NUP153: variants seen among roughly 807,000 people sequenced by gnomAD.
The protein encoded by NUP153 is nucleoporin 153.
Under a neutral mutation model 134.6 loss-of-function variants are expected in NUP153, and 27 were observed. That is an observed-to-expected ratio of 0.20 (90% CI 0.15 to 0.28). NUP153 has a LOEUF of 0.28. NUP153 is among the 10% of genes least tolerant of loss of function. The probability of loss-of-function intolerance (pLI) is 1.00; values close to 1 mark genes in which losing one functional copy is unlikely to be tolerated. For synonymous variants in NUP153, 640 were observed against 623.5 expected, an observed-to-expected ratio of 1.03 and a Z score of -0.40; for missense variants, 1,821 against 1,731.3, an observed-to-expected ratio of 1.05 and a Z score of -0.92.
intron 10 of NUP153, 34 bp from the exon 11 acceptor site, chr6:17,661,813 A>T: frequency 6.3e-7 from 1 of 1,598,876 alleles, no homozygotes; most frequent in South Asian, 1.1e-5. Flanking sequence ...AACAACTGAT[A>T]TATTATTGTG....
rs750618158 is a variant in NUP153 at position 17,632,698 on chromosome 6, A to G, written c.2611T>C (p.Cys871Arg). 18 of 1,612,996 alleles carry G rather than the reference A, an allele frequency of 1.1e-5. 2 individuals carry two copies. In the South Asian group the frequency reaches 1.9e-4, roughly 17 times the overall value. Reference sequence around the variant, plus strand: ...GGCTTTGCACTTTCACATGCCAAACATTTGGTAGAGTCTGCCTTATTCTGC... The same window carrying G: ...GGCTTTGCACTTTCACATGCCAAACGTTTGGTAGAGTCTGCCTTATTCTGC... Reference protein sequence around the residue: ...LVQNKADSTKCLACESAKPGT... With the variant: ...LVQNKADSTKRLACESAKPGT... The change falls in exon 17 of 22, where the codon TGT becomes CGT. Residue 871 changes from cysteine to arginine, a missense_variant. Physicochemically the swap from Cys to Arg is radical, Grantham distance 180. Coordinates refer to ENST00000262077, the MANE Select transcript of NUP153 (RefSeq NM_005124.4).
intron 14 of NUP153, among the ~76,000 whole-genome samples, chr6:17,642,390 A>C (rs1765883489): frequency 6.6e-6 from 1 of 152,208 alleles, no homozygotes; most frequent in African/African-American, 2.4e-5. Flanking sequence ...CAAACTGTTC[A>C]ATGGGTAAAG....
chr6:17,681,383 G>A (rs548376161), intron 2 of NUP153, among the ~76,000 whole-genome samples: 96 of 106,976 alleles, frequency 9.0e-4, no homozygotes, highest in Non-Finnish European at 1.5e-3. Flanking sequence ...TCAGGAGATC[G>A]AGACCATCCT....
At chr6:17,690,859 G>A (rs1769229108) in intron 1 of NUP153, among the ~76,000 whole-genome samples, 1 of 152,192 alleles carries the variant, frequency 6.6e-6, no homozygotes, top group Non-Finnish European at 1.5e-5. Flanking sequence ...TGAAAAGGTA[G>A]CCGGGCGTGG....
intron 1 of NUP153, among the ~76,000 whole-genome samples, chr6:17,705,846 C>T (rs1770449416): frequency 6.6e-6 from 1 of 152,068 alleles, no homozygotes; most frequent in Non-Finnish European, 1.5e-5. Context: ...AGCCCCCCCT[C>T]CTCAAACACA....
At chr6:17,701,225 A>T (rs1220430509) in intron 1 of NUP153, among the ~76,000 whole-genome samples, 2 of 116,330 alleles carry the variant, frequency 1.7e-5, no homozygotes, top group Non-Finnish European at 3.9e-5. Context: ...AACTCTGTCT[A>T]AAAAAAAAAA....
chr6:17,624,076 T>C (rs1446424810), intron 20 of NUP153, among the ~76,000 whole-genome samples: 3 of 152,204 alleles, frequency 2.0e-5, no homozygotes, highest in Non-Finnish European at 4.4e-5. Flanking sequence ...TAAGAAAATA[T>C]AGGATTATAA....
intron 20 of NUP153, among the ~76,000 whole-genome samples, chr6:17,621,965 T>A (rs1333522400): frequency 2.0e-5 from 3 of 152,096 alleles, no homozygotes; most frequent in Non-Finnish European, 4.4e-5. Context: ...TTAAAATATT[T>A]TTTTAAAGTT....
rs1554148666 is a variant in NUP153 at position 17,701,844 on chromosome 6, G to GGGAA, written c.111+4432_111+4433insTTCC. On this transcript the variant is annotated intron_variant, in intron 1 of 21. Coordinates refer to ENST00000262077, the MANE Select transcript of NUP153 (RefSeq NM_005124.4). ...CAAGACTCTGTCTCGGGGGGGGGGGGAAAAAAGCTAAATGCAGGAACTGAC... is the reference window on the plus strand; with the variant it reads ...CAAGACTCTGTCTCGGGGGGGGGGGGGGAAAAAAAAGCTAAATGCAGGAACTGAC... 2.3e-3 allele frequency among the ~76,000 whole-genome samples: 188 copies of GGGAA among 81,736 alleles called. 13 individuals carry two copies. The highest frequency in any genetic ancestry group is 0.013 in the East Asian group (46 of 3,628). The allele number at this position is 81,736 out of a possible 152,430, so 53.6% of individuals were successfully genotyped here.
At chr6:17,645,457 A>C in intron 14 of NUP153, among the ~76,000 whole-genome samples, 1 of 136,966 alleles carries the variant, frequency 7.3e-6, no homozygotes, top group South Asian at 2.3e-4. Flanking sequence ...CCACCTGGTT[A>C]TTTCTTTTTC....
chr6:17,619,969 G>T (rs909212222), intron 20 of NUP153, among the ~76,000 whole-genome samples: 1 of 151,784 alleles, frequency 6.6e-6, no homozygotes, highest in Non-Finnish European at 1.5e-5. Context: ...GTGGTGGCAC[G>T]CGCCTGTAAT....
At chr6:17,703,901 AGTC>A (rs1341485825) in intron 1 of NUP153, among the ~76,000 whole-genome samples, 1 of 152,244 alleles carries the variant, frequency 6.6e-6, no homozygotes, top group Non-Finnish European at 1.5e-5. Flanking sequence ...CACAGCCTGA[AGTC>A]GTATCAACTC....
At chr6:17,673,519 G>A (rs910937285) in intron 5 of NUP153, among the ~76,000 whole-genome samples, 3 of 152,156 alleles carry the variant, frequency 2.0e-5, no homozygotes, top group African/African-American at 7.2e-5. Flanking sequence ...ATGGGTGGAA[G>A]ATTTGAACAG....
chr6:17,618,791 A>G lies in NUP153; in HGVS notation c.4175-2096T>C, dbSNP rs148637207. On this transcript the variant is annotated intron_variant, in intron 20 of 21. Transcript: ENST00000262077. ...CCGTGTTAGCCAGGATGGTCTCGATATCCTGACCTCGTGATCTGCCCGCCT... is the reference window on the plus strand; with the variant it reads ...CCGTGTTAGCCAGGATGGTCTCGATGTCCTGACCTCGTGATCTGCCCGCCT... Among the ~76,000 whole-genome samples, 707 of 152,130 alleles carry G rather than the reference A, an allele frequency of 4.6e-3. 3 individuals carry two copies. The highest frequency in any genetic ancestry group is 6.9e-3 in the Non-Finnish European group (466 of 67,974).
At chr6:17,667,005 G>A (rs1461001250) in intron 8 of NUP153, among the ~76,000 whole-genome samples, 3 of 152,152 alleles carry the variant, frequency 2.0e-5, no homozygotes, top group South Asian at 2.1e-4. Flanking sequence ...CTATGATACT[G>A]TATTCTGGCT....
chr6:17,640,319 A>G (rs1765772938), intron 14 of NUP153, among the ~76,000 whole-genome samples: 1 of 152,354 alleles, frequency 6.6e-6, no homozygotes, highest in African/African-American at 2.4e-5. Flanking sequence ...TTATCGTCCA[A>G]TTAACTGACT....
intron 2 of NUP153, among the ~76,000 whole-genome samples, chr6:17,678,943 C>A (rs1211768447): frequency 3.9e-5 from 1 of 25,968 alleles, no homozygotes; most frequent in African/African-American, 9.2e-5. Context: ...AAGACTATCT[C>A]ATTTAAAAAA....
intron 11 of NUP153, among the ~76,000 whole-genome samples, chr6:17,653,259 A>G (rs1030302453): frequency 1.3e-5 from 2 of 152,242 alleles, no homozygotes; most frequent in African/African-American, 4.8e-5. Context: ...TCTCAAAAAA[A>G]GAACTGAACA....
chr6:17,636,653 C>T (rs916786344), intron 16 of NUP153, among the ~76,000 whole-genome samples: 1 of 152,114 alleles, frequency 6.6e-6, no homozygotes, highest in Non-Finnish European at 1.5e-5. Flanking sequence ...ACAGAAAAAA[C>T]TCAAAACTAA....
Sources: gnomAD v4.1 joint callset for allele counts (sites outside exome capture counted in the v4.1 genomes callset) on GRCh38, gnomAD v4.1.1 for gene constraint, MANE v1.5 for transcripts, NCBI Gene and HGNC (gene_info 2026-07-23, HGNC 2026-07-21) for gene names.